Variants in NTRK2 observed in about 807,000 individuals in gnomAD.
NTRK2 encodes the protein BDNF/NT-3 growth factors receptor.
In NTRK2, 13 loss-of-function variants were observed where a neutral mutation model predicts 94.5. The observed-to-expected ratio is 0.14, with a 90% confidence interval of 0.09 to 0.22. The LOEUF is 0.22. Ranked by LOEUF, NTRK2 falls within the 10% of genes least tolerant of loss-of-function variation. The probability of loss-of-function intolerance (pLI) is 1.00; values close to 1 mark genes in which losing one functional copy is unlikely to be tolerated. For missense variants in NTRK2, 639 were observed against 1,071.2 expected (o/e 0.60, Z 5.63); for synonymous variants, 372 against 407.4 (o/e 0.91, Z 1.05).
intron 12 of NTRK2, among the ~76,000 whole-genome samples, chr9:84,779,810 A>C (rs1278201906): frequency 2.0e-5 from 3 of 152,238 alleles, no homozygotes; most frequent in African/African-American, 7.2e-5. Flanking sequence ...TCAACGTGTC[A>C]GATCTGAAAT....
intron 14 of NTRK2, among the ~76,000 whole-genome samples, chr9:84,894,998 C>T (rs538758751): frequency 6.6e-6 from 1 of 152,180 alleles, no homozygotes; most frequent in Non-Finnish European, 1.5e-5. Flanking sequence ...AAATATAACC[C>T]TTAGATAATA....
chr9:84,690,177 G>T (rs188266221), intron 2 of NTRK2, among the ~76,000 whole-genome samples: 12 of 152,282 alleles, frequency 7.9e-5, no homozygotes, highest in Admixed American at 7.2e-4. Context: ...GCCTATAAAA[G>T]TTGGCTGAAA....
intron 12 of NTRK2, among the ~76,000 whole-genome samples, chr9:84,769,575 G>GT (rs2066337567): frequency 6.6e-6 from 1 of 152,180 alleles, no homozygotes; most frequent in Non-Finnish European, 1.5e-5. Flanking sequence ...AAATCTCAGA[G>GT]TGGTGTTGTT....
chr9:84,814,504 T>C (rs1469677778), intron 12 of NTRK2: 1 of 1,065,950 alleles, frequency 9.4e-7, no homozygotes, highest in African/African-American at 1.6e-5. Flanking sequence ...TTTATTTTTG[T>C]TTCATTGGTT....
chr9:84,906,196 G>C (rs1427222523), intron 14 of NTRK2, among the ~76,000 whole-genome samples: 3 of 152,124 alleles, frequency 2.0e-5, no homozygotes, highest in Admixed American at 2.0e-4. Flanking sequence ...GAAAAAATAA[G>C]AGAAAACACC....
At chr9:84,834,062 C>G (rs2073731330) in intron 12 of NTRK2, among the ~76,000 whole-genome samples, 1 of 152,226 alleles carries the variant, frequency 6.6e-6, no homozygotes, top group South Asian at 2.1e-4. Flanking sequence ...TATACTGTCA[C>G]CTGCCTAAAA....
intron 14 of NTRK2, among the ~76,000 whole-genome samples, chr9:84,867,759 G>A (rs1437918505): frequency 1.3e-5 from 2 of 152,154 alleles, no homozygotes; most frequent in Non-Finnish European, 1.5e-5. Flanking sequence ...TCATTTGAAT[G>A]CACATATATC....
intron 17 of NTRK2, among the ~76,000 whole-genome samples, chr9:84,961,728 T>A: frequency 6.6e-6 from 1 of 152,168 alleles, no homozygotes; most frequent in Non-Finnish European, 1.5e-5. Flanking sequence ...CTTTGAGGAG[T>A]TCCCAGACAT....
intron 8 of NTRK2, among the ~76,000 whole-genome samples, chr9:84,725,723 A>G (rs2062405900): frequency 6.6e-6 from 1 of 150,810 alleles, no homozygotes; most frequent in African/African-American, 2.4e-5. Flanking sequence ...ATTTTAATTG[A>G]ATTTTTATAG....
chr9:84,706,514 A>ATTTTTTTTTTTTT (rs1251771059), intron 4 of NTRK2, among the ~76,000 whole-genome samples: 2 of 68,532 alleles, frequency 2.9e-5, no homozygotes, highest in Admixed American at 1.7e-4. Flanking sequence ...CATGTGTGTT[A>ATTTTTTTTTTTTT]TTTTTTGTTT....
At chr9:84,678,831 A>ACTC (rs1056613609) in intron 2 of NTRK2, among the ~76,000 whole-genome samples, 3 of 152,170 alleles carry the variant, frequency 2.0e-5, no homozygotes, top group African/African-American at 4.8e-5. Context: ...TACCACCCAA[A>ACTC]CTCAAAGAAT....
intron 14 of NTRK2, among the ~76,000 whole-genome samples, chr9:84,933,751 ACCAATAAT>A (rs2078119533): frequency 6.6e-6 from 1 of 152,212 alleles, no homozygotes; most frequent in African/African-American, 2.4e-5. Context: ...AGATGGCTTA[ACCAATAAT>A]TCAGGATTGC....
intron 17 of NTRK2, among the ~76,000 whole-genome samples, chr9:84,977,682 A>T (rs967257619): frequency 6.6e-6 from 1 of 152,248 alleles, no homozygotes; most frequent in African/African-American, 2.4e-5. Context: ...GCACACACAC[A>T]TTAGTTGTAC....
At chr9:84,850,016 T>A (rs1294504124) in intron 12 of NTRK2, among the ~76,000 whole-genome samples, 2 of 152,192 alleles carry the variant, frequency 1.3e-5, no homozygotes, top group African/African-American at 4.8e-5. Context: ...GAAATAAGAT[T>A]ACATAAATAA....
intron 14 of NTRK2, among the ~76,000 whole-genome samples, chr9:84,910,997 T>C (rs181540028): frequency 5.4e-4 from 82 of 152,350 alleles, no homozygotes; most frequent in Admixed American, 5.0e-3. Context: ...AGAATTGACA[T>C]CATTACTGTG....
At chr9:84,716,390 A>G (rs1040269079) in intron 6 of NTRK2, among the ~76,000 whole-genome samples, 6 of 152,190 alleles carry the variant, frequency 3.9e-5, no homozygotes, top group Non-Finnish European at 8.8e-5. Flanking sequence ...TTTATTTTTA[A>G]GAATTACTTT....
At chr9:84,830,200 C>T (rs559330413) in intron 12 of NTRK2, among the ~76,000 whole-genome samples, 2 of 152,326 alleles carry the variant, frequency 1.3e-5, no homozygotes, top group South Asian at 2.1e-4. Flanking sequence ...CTTCTTCCCA[C>T]CTTTCTCAGG....
chr9:84,864,494 A>G (rs1422275133), intron 13 of NTRK2, among the ~76,000 whole-genome samples: 2 of 152,256 alleles, frequency 1.3e-5, no homozygotes, highest in East Asian at 1.9e-4. Flanking sequence ...CCAAACAACT[A>G]TTGAAATAAA....
At position 84,914,606 on chromosome 9, in the gene NTRK2, C is replaced by T. The variant is rs1047385169; in HGVS notation, c.1634-19556C>T. Among the ~76,000 whole-genome samples, 4 of 152,246 alleles carry T rather than the reference C, an allele frequency of 2.6e-5. No individual in the cohort carries two copies. The East Asian group carries it at 5.8e-4, about 22-fold the overall frequency. On this transcript the variant is annotated intron_variant, in intron 14 of 18. Transcript: ENST00000277120. ...GCAGTCTCCTTGTTCCTGTTGGATGCGGGTAGGAGTGGCTTTGTCCCTATG... is the reference window on the plus strand; with the variant it reads ...GCAGTCTCCTTGTTCCTGTTGGATGTGGGTAGGAGTGGCTTTGTCCCTATG...
Sources: gnomAD v4.1 joint callset for allele counts (sites outside exome capture counted in the v4.1 genomes callset) on GRCh38, gnomAD v4.1.1 for gene constraint, MANE v1.5 for transcripts, NCBI Gene and HGNC (gene_info 2026-07-23, HGNC 2026-07-21) for gene names.